The following EEF1AKMT2 variants were observed in gnomAD, a reference collection of about 807,000 sequenced individuals.
EEF1AKMT2 encodes EEF1A lysine methyltransferase 2.
Under a neutral mutation model 35.8 loss-of-function variants are expected in EEF1AKMT2, and 32 were observed. That is an observed-to-expected ratio of 0.89 (90% confidence interval 0.67 to 1.20). The LOEUF (loss-of-function observed/expected upper bound fraction) is 1.20. EEF1AKMT2 is among the 50% of genes most tolerant of loss of function. EEF1AKMT2 has a pLI of 0.00. For synonymous variants in EEF1AKMT2, 121 were observed against 133.7 expected, an observed-to-expected ratio of 0.91 and a Z score of 0.65; for missense variants, 330 against 347.5, an observed-to-expected ratio of 0.95 and a Z score of 0.40.
chr10:124,777,582 CA>C (rs947392226), intron 3 of EEF1AKMT2, among the ~76,000 whole-genome samples: 7 of 151,688 alleles, frequency 4.6e-5, no homozygotes, highest in Non-Finnish European at 1.0e-4. Flanking sequence ...TGCAGTAGCA[CA>C]ATCATGGCTT....
At chr10:124,770,317 T>C (rs1425031720) in intron 4 of EEF1AKMT2, among the ~76,000 whole-genome samples, 1 of 152,114 alleles carries the variant, frequency 6.6e-6, no homozygotes, top group Non-Finnish European at 1.5e-5. Context: ...CTCGGGAGGC[T>C]GAGGCAGGAC....
chr10:124,762,639 AT>A (rs1950342571), intron 5 of EEF1AKMT2, 81 bp from the exon 6 acceptor site: 2 of 695,790 alleles, frequency 2.9e-6, no homozygotes, highest in Non-Finnish European at 3.7e-6. Context: ...CTATCATACT[AT>A]TTCATTATAC....
rs1421998474 is a variant in EEF1AKMT2 at position 124,760,293 on chromosome 10, C to A, written c.*210G>T. The A allele has an allele frequency of 3.2e-6, 2 of 616,186 alleles. No homozygotes were observed. The highest frequency in any genetic ancestry group is 5.7e-6 in the Non-Finnish European group (2 of 348,178). The allele number at this position is 616,186 out of a possible 1,614,324, so 38.2% of individuals were successfully genotyped here. A position where few individuals can be genotyped will look rare whatever the true frequency, so the allele number is the denominator to read the frequency against. On this transcript the variant is annotated 3_prime_UTR_variant, in exon 7 of 7. Transcript: ENST00000368836. The stretch of plus-strand genomic sequence containing the variant: ...TTTCACCAATCCAGTATACTCTATT[C>A]AACATGTGCATCCTGTGTACTTACT...
At position 124,765,559 on chromosome 10, in the gene EEF1AKMT2, C is replaced by A; in HGVS notation, c.449G>T (p.Cys150Phe). 6.2e-7 allele frequency: 1 copy of A among 1,613,850 alleles called. No individual in the cohort carries two copies. Among genetic ancestry groups the A allele is most frequent in the Non-Finnish European group, 8.5e-7 (1 of 1,179,892 alleles). The part of the protein sequence containing the change: ...LSTQLSGFHI[C>F]IDKGTFDAIS... Reference sequence around the variant, plus strand: ...GGCATCAAAAGTCCCTTTGTCAATACAAATATGAAATCCAGACAGCTGTGT... The same window carrying A: ...GGCATCAAAAGTCCCTTTGTCAATAAAAATATGAAATCCAGACAGCTGTGT... Residue 150 changes from cysteine (C) to phenylalanine (F), a missense_variant, in exon 5 of 7, where the codon TGT becomes TTT. Physicochemically the swap from Cys to Phe is radical, Grantham distance 205. Transcript: ENST00000368836.
rs1008377073 is a variant in EEF1AKMT2 at position 124,787,101 on chromosome 10, C to T, written c.291+1942G>A. On this transcript the variant is annotated intron_variant, in intron 3 of 6. Coordinates refer to ENST00000368836, the MANE Select transcript of EEF1AKMT2 (RefSeq NM_212554.4). ...CCTGGGACTATATGGCGCCCACCAC[C>T]ACTCCCGGCTAACTTTTTGTATTTT... Among the ~76,000 whole-genome samples the T allele has an allele frequency of 2.6e-5, 4 of 150,984 alleles. No homozygotes were observed. The South Asian group carries it at 8.4e-4, about 32-fold the overall frequency.
chr10:124,788,393 A>G (rs1291150647), intron 3 of EEF1AKMT2, among the ~76,000 whole-genome samples: 1 of 152,174 alleles, frequency 6.6e-6, no homozygotes, highest in Non-Finnish European at 1.5e-5. Context: ...CAATTCAAGC[A>G]CAAAGTCTAA....
chr10:124,771,139 G>A (rs939322865), intron 4 of EEF1AKMT2, among the ~76,000 whole-genome samples: 25 of 148,886 alleles, frequency 1.7e-4, no homozygotes, highest in African/African-American at 5.7e-4. Context: ...TTGCTCTGTC[G>A]CCCAGGCTGG....
chr10:124,771,163 G>GCA (rs1950430760), intron 4 of EEF1AKMT2, among the ~76,000 whole-genome samples: 3 of 151,436 alleles, frequency 2.0e-5, no homozygotes. Context: ...GCAGCGGCTA[G>GCA]ATCTCAGCTC....
intron 3 of EEF1AKMT2, among the ~76,000 whole-genome samples, chr10:124,779,517 C>A (rs1484955067): frequency 1.3e-5 from 2 of 150,262 alleles, no homozygotes; most frequent in African/African-American, 4.9e-5. Context: ...GAGGCCGAGG[C>A]GGGTGGATCA....
At chr10:124,757,586 A>T (rs1445996959), downstream of EEF1AKMT2, among the ~76,000 whole-genome samples, 1 of 152,202 alleles carries the variant, frequency 6.6e-6, no homozygotes, top group East Asian at 1.9e-4. Flanking sequence ...CTCTGGATAA[A>T]TGTGAATTGA....
At chr10:124,788,059 C>T (rs562441552) in intron 3 of EEF1AKMT2, among the ~76,000 whole-genome samples, 2 of 152,252 alleles carry the variant, frequency 1.3e-5, no homozygotes, top group East Asian at 3.9e-4. Context: ...TAACTTAATC[C>T]TCATGTCTGT....
chr10:124,760,364 T>A lies in EEF1AKMT2; in HGVS notation c.*139A>T. 7.5e-7 allele frequency: 1 copy of A among 1,329,240 alleles called. No individual in the cohort carries two copies. The highest frequency in any genetic ancestry group is 1.1e-6 in the Non-Finnish European group (1 of 932,068). The allele number at this position is 1,329,240 out of a possible 1,614,324, so 82.3% of individuals were successfully genotyped here. On this transcript the variant is annotated 3_prime_UTR_variant, in exon 7 of 7. Transcript: ENST00000368836. The stretch of plus-strand genomic sequence containing the variant: ...ATTTTCTGTGTCAGGTTAACTTTGC[T>A]GTGTAGATTCTGTGTAGCTACCTGA...
Position 124,780,410 on chromosome 10 carries a change from G to A in EEF1AKMT2, c.292-5628C>T, listed in dbSNP as rs984849708. ...AACTACCTCCTACAAAAAATAAATC[G>A]TAATGGTAAATAAAGAAATCATGCA... On this transcript the variant is annotated intron_variant, in intron 3 of 6. Transcript: ENST00000368836. 2.6e-5 allele frequency among the ~76,000 whole-genome samples: 4 copies of A among 152,064 alleles called. No homozygotes were observed. In the South Asian group the frequency reaches 8.3e-4, roughly 31 times the overall value.
At chr10:124,782,939 A>G (rs757341147) in intron 3 of EEF1AKMT2, 13 of 427,252 alleles carry the variant, frequency 3.0e-5, no homozygotes, top group South Asian at 2.0e-4. Context: ...GATTGTTAGA[A>G]TAGATAAAAA....
chr10:124,765,221 G>C (rs999384435), intron 5 of EEF1AKMT2, among the ~76,000 whole-genome samples, 171 bp downstream of exon 5: 2 of 152,272 alleles, frequency 1.3e-5, no homozygotes, highest in African/African-American at 4.8e-5. Context: ...TTATTTCTCT[G>C]TGCTTTGCAT....
chr10:124,781,440 G>A (rs959534425), intron 3 of EEF1AKMT2, among the ~76,000 whole-genome samples: 8 of 151,748 alleles, frequency 5.3e-5, no homozygotes, highest in African/African-American at 1.9e-4. Flanking sequence ...GTAGCCGGGT[G>A]TGGTGGTGGA....
chr10:124,788,711 T>TATGC (rs1950609326), intron 3 of EEF1AKMT2, among the ~76,000 whole-genome samples: 1 of 54,370 alleles, frequency 1.8e-5, no homozygotes, highest in African/African-American at 7.8e-5. Flanking sequence ...AGGTCATCTT[T>TATGC]ATATATATAT....
intron 4 of EEF1AKMT2, among the ~76,000 whole-genome samples, 199 bp downstream of exon 4, chr10:124,774,476 G>A (rs1950471599): frequency 6.8e-6 from 1 of 147,094 alleles, no homozygotes; most frequent in Non-Finnish European, 1.5e-5. Context: ...GAGCAGTAGT[G>A]TATGAACAAA....
At chr10:124,768,627 G>A (rs1336766035) in intron 4 of EEF1AKMT2, among the ~76,000 whole-genome samples, 1 of 152,152 alleles carries the variant, frequency 6.6e-6, no homozygotes, top group Non-Finnish European at 1.5e-5. Flanking sequence ...GTGCATGCCT[G>A]TAGTCCCAGC....
Sources: allele counts gnomAD v4.1 joint callset (sites outside exome capture counted in the v4.1 genomes callset), GRCh38; gene constraint gnomAD v4.1.1; transcripts MANE v1.5; gene names NCBI Gene and HGNC (gene_info 2026-07-23, HGNC 2026-07-21).